The following AUTS2 variants were observed in gnomAD, a reference collection of about 807,000 sequenced individuals.
AUTS2 encodes the protein autism susceptibility gene 2 protein.
Under a neutral mutation model 112.4 loss-of-function variants are expected in AUTS2, and 17 were observed. That is an observed-to-expected ratio of 0.15 (90% confidence interval 0.10 to 0.23). AUTS2 has a LOEUF of 0.23. AUTS2 is among the 10% of genes least tolerant of loss of function. The probability of loss-of-function intolerance (pLI) is 1.00; values close to 1 mark genes in which losing one functional copy is unlikely to be tolerated. For missense variants in AUTS2, 1,510 were observed against 1,701.6 expected, an observed-to-expected ratio of 0.89 and a Z score of 1.98; for synonymous variants, 751 against 702.7, an observed-to-expected ratio of 1.07 and a Z score of -1.09.
intron 4 of AUTS2, among the ~76,000 whole-genome samples, chr7:70,424,087 C>T (rs1795332348): frequency 6.6e-6 from 1 of 152,148 alleles, no homozygotes; most frequent in East Asian, 1.9e-4. Context: ...CATCGCCATT[C>T]ACTGGTTAAG....
At chr7:70,645,018 T>A (rs1463376561) in intron 5 of AUTS2, among the ~76,000 whole-genome samples, 1 of 152,236 alleles carries the variant, frequency 6.6e-6, no homozygotes, top group East Asian at 1.9e-4. Flanking sequence ...AGTATTGGAA[T>A]GATCTCTGGG....
rs1161947171 is a variant in AUTS2 at position 69,875,091 on chromosome 7, C to T, written c.310-24195C>T. Among the ~76,000 whole-genome samples, 3 of 151,612 alleles carry T rather than the reference C, an allele frequency of 2.0e-5. No homozygotes were observed. In the East Asian group the frequency reaches 5.8e-4, roughly 29 times the overall value. On this transcript the variant is annotated intron_variant, in intron 1 of 18. Transcript: ENST00000342771. ...AATTCCTCTGTGGATCCATTGATCA[C>T]GCTTTGCATATTTATTCCTTCTCCC...
intron 4 of AUTS2, among the ~76,000 whole-genome samples, chr7:70,206,863 T>C (rs1370886727): frequency 6.6e-6 from 1 of 152,260 alleles, no homozygotes; most frequent in African/African-American, 2.4e-5. Flanking sequence ...CCTCCTCAGA[T>C]AGCAAGCTAG....
chr7:69,934,723 G>C (rs1562978623), intron 2 of AUTS2, among the ~76,000 whole-genome samples: 1 of 152,160 alleles, frequency 6.6e-6, no homozygotes, highest in Non-Finnish European at 1.5e-5. Flanking sequence ...CCAGATACTG[G>C]TGCATCATGT....
intron 1 of AUTS2, among the ~76,000 whole-genome samples, chr7:69,609,077 A>G (rs763567943): frequency 6.6e-6 from 1 of 152,072 alleles, no homozygotes; most frequent in Admixed American, 6.5e-5. Context: ...ATGTAGTTCT[A>G]CCTCTCATTT....
chr7:70,240,372 A>T (rs777675152), intron 4 of AUTS2, among the ~76,000 whole-genome samples: 11 of 152,182 alleles, frequency 7.2e-5, no homozygotes, highest in Non-Finnish European at 1.0e-4. Context: ...GGTGTTTGAT[A>T]ATACATATGT....
At chr7:70,701,352 G>A (rs988849170) in intron 6 of AUTS2, among the ~76,000 whole-genome samples, 1 of 152,236 alleles carries the variant, frequency 6.6e-6, no homozygotes, top group Non-Finnish European at 1.5e-5. Flanking sequence ...CAGCTTGTGA[G>A]CTTGAATAAG....
intron 4 of AUTS2, among the ~76,000 whole-genome samples, chr7:70,172,201 T>C (rs1808738767): frequency 1.3e-5 from 2 of 152,334 alleles, no homozygotes; most frequent in South Asian, 4.1e-4. Context: ...GCCTGATCTC[T>C]CTGTTCCCCA....
At chr7:70,519,874 C>A (rs1473709118) in intron 5 of AUTS2, among the ~76,000 whole-genome samples, 1 of 152,190 alleles carries the variant, frequency 6.6e-6, no homozygotes, top group Non-Finnish European at 1.5e-5. Context: ...TTCAAGGAAT[C>A]TGAATTGCCA....
At chr7:69,709,232 TGCG>T (rs1798201172) in intron 1 of AUTS2, among the ~76,000 whole-genome samples, 1 of 152,224 alleles carries the variant, frequency 6.6e-6, no homozygotes. Flanking sequence ...CATTAATCTT[TGCG>T]AAACCAGGCT....
At chr7:70,402,264 C>T (rs1217249774) in intron 4 of AUTS2, among the ~76,000 whole-genome samples, 4 of 152,202 alleles carry the variant, frequency 2.6e-5, no homozygotes, top group African/African-American at 9.6e-5. Flanking sequence ...CGCAGAGATG[C>T]TATTTATGCT....
chr7:70,124,840 C>T (rs562200214), intron 3 of AUTS2, among the ~76,000 whole-genome samples: 5 of 152,300 alleles, frequency 3.3e-5, no homozygotes, highest in South Asian at 2.1e-4. Flanking sequence ...GGATTGCAGG[C>T]GTGAGCCACC....
intron 4 of AUTS2, among the ~76,000 whole-genome samples, chr7:70,143,847 C>T (rs569013573): frequency 3.3e-5 from 5 of 152,172 alleles, no homozygotes; most frequent in East Asian, 1.9e-4. Flanking sequence ...TGCTGCTGTG[C>T]GTAGTGGCCT....
At chr7:70,522,366 T>C (rs115588677) in intron 5 of AUTS2, among the ~76,000 whole-genome samples, 1 of 152,332 alleles carries the variant, frequency 6.6e-6, no homozygotes, top group African/African-American at 2.4e-5. Context: ...GTATATTTTG[T>C]GATGCTGAGA....
At chr7:70,735,012 A>T (rs1255403566) in intron 6 of AUTS2, among the ~76,000 whole-genome samples, 1 of 152,134 alleles carries the variant, frequency 6.6e-6, no homozygotes, top group Non-Finnish European at 1.5e-5. Context: ...GGAGGAAAAA[A>T]AAAAAAGAAG....
chr7:69,653,706 G>T (rs762147189), intron 1 of AUTS2, among the ~76,000 whole-genome samples: 3 of 150,020 alleles, frequency 2.0e-5, no homozygotes, highest in Admixed American at 6.7e-5. Flanking sequence ...ATTGATTCAC[G>T]ATTACCTACT....
intron 4 of AUTS2, among the ~76,000 whole-genome samples, chr7:70,413,161 G>A (rs1205306653): frequency 6.6e-6 from 1 of 152,202 alleles, no homozygotes. Context: ...GTTCCCAGCA[G>A]TGGTTCCAAT....
chr7:69,658,390 ATGAC>A (rs1795639295), intron 1 of AUTS2, among the ~76,000 whole-genome samples: 1 of 152,242 alleles, frequency 6.6e-6, no homozygotes. Flanking sequence ...AGTTAGATGA[ATGAC>A]TGACCAATCT....
At chr7:70,764,675 G>GGT in intron 7 of AUTS2, 77 bp from the exon 8 acceptor site, 2 of 685,542 alleles carry the variant, frequency 2.9e-6, no homozygotes, top group South Asian at 3.3e-5. Flanking sequence ...AGGGGAAGGA[G>GGT]GTAGGATTCT....
Sources: gnomAD v4.1 joint callset for allele counts (sites outside exome capture counted in the v4.1 genomes callset) on GRCh38, gnomAD v4.1.1 for gene constraint, MANE v1.5 for transcripts, NCBI Gene and HGNC (gene_info 2026-07-23, HGNC 2026-07-21) for gene names.